Variants in RAI14 observed in about 807,000 individuals in gnomAD.
RAI14 encodes ankycorbin.
RAI14 carries 45 observed loss-of-function variants against 115.4 expected under a neutral mutation model. The observed-to-expected ratio is 0.39, with a 90% CI of 0.31 to 0.50. The LOEUF is 0.50. RAI14 is among the 20% of genes least tolerant of loss of function. The probability of loss-of-function intolerance (pLI) is 0.85; values close to 1 mark genes in which losing one functional copy is unlikely to be tolerated. For synonymous variants in RAI14, 371 were observed against 415.4 expected (o/e 0.89, Z 1.30); for missense variants, 939 against 1,131.2 (o/e 0.83, Z 2.44).
intron 3 of RAI14, among the ~76,000 whole-genome samples, chr5:34,766,221 C>T (rs973857025): frequency 2.0e-5 from 3 of 152,132 alleles, no homozygotes; most frequent in Non-Finnish European, 2.9e-5. Flanking sequence ...GCTAGTGGAG[C>T]TGTGAGAAGA....
At chr5:34,717,498 C>CG (rs1354472726) in intron 2 of RAI14, among the ~76,000 whole-genome samples, 16 of 151,956 alleles carry the variant, frequency 1.1e-4, no homozygotes, top group South Asian at 2.1e-4. Context: ...CCATTTTGGG[C>CG]GGGGGGGAAT....
intron 3 of RAI14, among the ~76,000 whole-genome samples, chr5:34,776,123 C>T (rs188550919): frequency 5.2e-4 from 79 of 152,270 alleles, no homozygotes; most frequent in African/African-American, 1.8e-3. Context: ...TTTGCAACAA[C>T]GTGGTTGGAA....
intron 2 of RAI14, among the ~76,000 whole-genome samples, chr5:34,726,516 G>T (rs1743492079): frequency 6.6e-6 from 1 of 152,176 alleles, no homozygotes; most frequent in Admixed American, 6.5e-5. Flanking sequence ...CCTCCCACCA[G>T]GTCCCTCCCC....
intron 2 of RAI14, among the ~76,000 whole-genome samples, chr5:34,701,691 G>A (rs1343947704): frequency 6.6e-6 from 1 of 152,156 alleles, no homozygotes; most frequent in Admixed American, 6.5e-5. Context: ...ATAAAACCAA[G>A]CTGTGCCCTG....
chr5:34,788,518 T>C (rs1452932388), intron 3 of RAI14, among the ~76,000 whole-genome samples: 5 of 152,204 alleles, frequency 3.3e-5, no homozygotes, highest in Admixed American at 3.3e-4. Context: ...CTTAGAACCA[T>C]GTCTCACACA....
rs1025530803 is a variant in RAI14 at position 34,811,076 on chromosome 5, T to A, written c.515T>A (p.Leu172Gln). Reference protein sequence around the residue: ...NGHSEICHFLLDHGADVNSRN... With the variant: ...NGHSEICHFLQDHGADVNSRN... The stretch of plus-strand genomic sequence containing the variant: ...CACAGTGAGATCTGTCACTTTCTCC[T>A]GGATCATGGAGCAGATGTCAATTCC... The change falls in exon 8 of 18, where the codon CTG (leucine) becomes CAG (glutamine). Residue 172 changes from leucine (L) to glutamine (Q), a missense_variant. Physicochemically the swap from Leu to Gln is moderately radical, Grantham distance 113 (BLOSUM62 -2). Coordinates refer to ENST00000265109, the MANE Select transcript of RAI14 (RefSeq NM_015577.3). 2.6e-5 allele frequency: 42 copies of A among 1,614,020 alleles called. No homozygotes were observed. The highest frequency in any genetic ancestry group is 1.5e-4 in the Admixed American group (9 of 59,994).
At chr5:34,681,651 C>T (rs1442284395) in intron 1 of RAI14, among the ~76,000 whole-genome samples, 1 of 151,996 alleles carries the variant, frequency 6.6e-6, no homozygotes, top group African/African-American at 2.4e-5. Context: ...TGTGCCACCA[C>T]CCCCGGCTAA....
At chr5:34,744,393 A>G (rs1389335112) in intron 2 of RAI14, among the ~76,000 whole-genome samples, 1 of 151,988 alleles carries the variant, frequency 6.6e-6, no homozygotes, top group Non-Finnish European at 1.5e-5. Context: ...TTTAATACTG[A>G]GTTTTCTTTA....
chr5:34,688,106 G>A, intron 2 of RAI14: 1 of 343,460 alleles, frequency 2.9e-6, no homozygotes, highest in Non-Finnish European at 4.6e-6. Context: ...AAGAGACTTC[G>A]ACAAAGACAG....
chr5:34,817,045 A>C (rs1202954472), intron 12 of RAI14, among the ~76,000 whole-genome samples: 1 of 152,108 alleles, frequency 6.6e-6, no homozygotes, highest in Non-Finnish European at 1.5e-5. Flanking sequence ...CGGGAGGCCA[A>C]AGCGGGTGGA....
intron 3 of RAI14, among the ~76,000 whole-genome samples, chr5:34,795,609 C>T (rs1753418743): frequency 6.6e-6 from 1 of 152,160 alleles, no homozygotes; most frequent in South Asian, 2.1e-4. Flanking sequence ...AGAAATTCAA[C>T]CTAGTTGGGA....
chr5:34,776,813 A>AAACAACAACAAAAAAAAAC (rs1287027983), intron 3 of RAI14, among the ~76,000 whole-genome samples: 1 of 147,534 alleles, frequency 6.8e-6, no homozygotes, highest in Non-Finnish European at 1.5e-5. Flanking sequence ...TATTAAAAAA[A>AAACAACAACAAAAAAAAAC]CCCACCAAAA....
intron 2 of RAI14, among the ~76,000 whole-genome samples, chr5:34,692,501 T>A (rs561463846): frequency 2.0e-5 from 3 of 151,952 alleles, no homozygotes; most frequent in African/African-American, 7.3e-5. Flanking sequence ...GCCACTGCAC[T>A]CCAGCCTGGG....
At chr5:34,812,266 T>C (rs1755692719) in intron 10 of RAI14, 58 bp downstream of exon 10, 2 of 1,466,226 alleles carry the variant, frequency 1.4e-6, no homozygotes, top group Middle Eastern at 1.8e-4. Flanking sequence ...AATTTAAAAA[T>C]GTTCAGATTT....
intron 1 of RAI14, among the ~76,000 whole-genome samples, chr5:34,674,662 G>A (rs113222233): frequency 0.062 from 9,162 of 148,374 alleles, 676 homozygotes; most frequent in African/African-American, 0.18. Context: ...TCACCTGACT[G>A]CGACCTCCGC....
At position 34,823,760 on chromosome 5, in the gene RAI14, G is replaced by C; in HGVS notation, c.1918G>C (p.Glu640Gln). Residue 640 changes from glutamate (E) to glutamine (Q), a missense_variant, in exon 15 of 18, where the codon GAA (glutamate) becomes CAA (glutamine). By Grantham distance (29) the Glu-to-Gln change is conservative. Coordinates refer to ENST00000265109, the MANE Select transcript of RAI14 (RefSeq NM_015577.3). The surrounding 1 kb of genome is among the most constrained non-coding windows in gnomAD (Gnocchi z 4.5). Reference sequence around the variant, plus strand: ...AGAAGCCATGAATAGGATGATAGATGAACTCAATAAACAGGTGAGCGAGCT... The same window carrying C: ...AGAAGCCATGAATAGGATGATAGATCAACTCAATAAACAGGTGAGCGAGCT... ...MKEAMNRMID[E>Q]LNKQVSELSQ... 6.2e-7 allele frequency: 1 copy of C among 1,614,146 alleles called. No homozygotes were observed. Among genetic ancestry groups the C allele is most frequent in the Non-Finnish European group, 8.5e-7 (1 of 1,180,036 alleles).
chr5:34,699,474 C>T (rs1163069097), intron 2 of RAI14, among the ~76,000 whole-genome samples: 2 of 152,296 alleles, frequency 1.3e-5, no homozygotes, highest in African/African-American at 4.8e-5. Flanking sequence ...CTGATCTCTG[C>T]CTCATCTTTG....
intron 3 of RAI14, among the ~76,000 whole-genome samples, chr5:34,790,772 A>ATAC (rs1752834084): frequency 6.9e-6 from 1 of 144,624 alleles, no homozygotes; most frequent in Non-Finnish European, 1.5e-5. Flanking sequence ...ATATACATAT[A>ATAC]TATATATATA....
intron 4 of RAI14, among the ~76,000 whole-genome samples, chr5:34,799,073 A>G (rs1753882619): frequency 6.6e-6 from 1 of 152,236 alleles, no homozygotes; most frequent in Non-Finnish European, 1.5e-5. Flanking sequence ...AGAACACTGC[A>G]TGGAAAAAAG....
Sources: allele counts gnomAD v4.1 joint callset (sites outside exome capture counted in the v4.1 genomes callset), GRCh38; gene constraint gnomAD v4.1.1; non-coding constraint Gnocchi (gnomAD v3.1); transcripts MANE v1.5; gene names NCBI Gene and HGNC (gene_info 2026-07-23, HGNC 2026-07-21).